The following ZNF536 variants were observed in gnomAD, a reference collection of about 807,000 sequenced individuals.
ZNF536 encodes the protein zinc finger protein 536.
ZNF536 carries 13 observed loss-of-function variants against 84.5 expected under a neutral mutation model. That is an observed-to-expected ratio of 0.15 (90% confidence interval 0.10 to 0.24). The LOEUF (loss-of-function observed/expected upper bound fraction) is 0.24. ZNF536 is among the 10% of genes least tolerant of loss of function. The probability of loss-of-function intolerance (pLI) is 1.00; values close to 1 mark genes in which losing one functional copy is unlikely to be tolerated. For synonymous variants in ZNF536, 811 were observed against 742.5 expected, an observed-to-expected ratio of 1.09 and a Z score of -1.50; for missense variants, 1,536 against 1,747.5, an observed-to-expected ratio of 0.88 and a Z score of 2.16.
chr19:30,306,833 T>C (rs2046355551), intron 2 of ZNF536, among the ~76,000 whole-genome samples: 1 of 152,188 alleles, frequency 6.6e-6, no homozygotes, highest in African/African-American at 2.4e-5. Context: ...ATTTAGTACT[T>C]TTAATAAAAG....
intron 2 of ZNF536, among the ~76,000 whole-genome samples, chr19:30,466,054 AT>A (rs1395378092): frequency 1.3e-5 from 2 of 151,968 alleles, no homozygotes; most frequent in African/African-American, 4.8e-5. Flanking sequence ...CTGGCAAAGA[AT>A]TTTTTAAAAA....
chr19:30,302,004 T>A (rs2046201375), intron 2 of ZNF536, among the ~76,000 whole-genome samples: 2 of 152,136 alleles, frequency 1.3e-5, no homozygotes, highest in Admixed American at 1.3e-4. Context: ...TTGAGATACT[T>A]TCATAGAGAT....
At chr19:30,617,256 T>C (rs1364976927) in intron 1 of ZNF536, among the ~76,000 whole-genome samples, 2 of 150,390 alleles carry the variant, frequency 1.3e-5, no homozygotes, top group Admixed American at 1.3e-4. Context: ...CTAAACCCAA[T>C]GTGTTGTCTT....
intron 2 of ZNF536, among the ~76,000 whole-genome samples, chr19:30,496,862 G>T (rs1166763392): frequency 6.6e-6 from 1 of 152,054 alleles, no homozygotes; most frequent in African/African-American, 2.4e-5. Flanking sequence ...AGGGGCGAGG[G>T]GCACTGTGCC....
At chr19:30,678,649 C>A (rs947002540) in intron 1 of ZNF536, among the ~76,000 whole-genome samples, 10 of 152,174 alleles carry the variant, frequency 6.6e-5, no homozygotes, top group Admixed American at 4.6e-4. Context: ...ACTCCTAGAG[C>A]CAAGCAGGGA....
intron 1 of ZNF536, among the ~76,000 whole-genome samples, chr19:30,704,347 A>G (rs752232141): frequency 6.6e-6 from 1 of 152,140 alleles, no homozygotes; most frequent in Non-Finnish European, 1.5e-5. Context: ...CTTTTGTTTC[A>G]TTAAAAAGAG....
intron 1 of ZNF536, among the ~76,000 whole-genome samples, chr19:30,707,169 A>T (rs553987153): frequency 2.1e-4 from 32 of 152,076 alleles, no homozygotes; most frequent in Non-Finnish European, 3.1e-4. Flanking sequence ...GGCCAGGACG[A>T]TCTACTTGGA....
chr19:30,644,347 C>T lies in ZNF536; in HGVS notation c.170-66410C>T, dbSNP rs189421455. Reference sequence around the variant, plus strand: ...CTCCAGAGTTAAAATGGAGAGAAAGCCTATAGTGGACATTTCTTTCTTTTT... The same window carrying T: ...CTCCAGAGTTAAAATGGAGAGAAAGTCTATAGTGGACATTTCTTTCTTTTT... On this transcript the variant is annotated intron_variant, in intron 1 of 1. Coordinates refer to the ZNF536 transcript ENST00000592773. 7.2e-5 allele frequency among the ~76,000 whole-genome samples: 11 copies of T among 152,044 alleles called. No homozygotes were observed. In the South Asian group the frequency reaches 1.7e-3, roughly 23 times the overall value.
intron 1 of ZNF536, among the ~76,000 whole-genome samples, chr19:30,425,199 T>C (rs867815339): frequency 6.6e-6 from 1 of 151,758 alleles, no homozygotes; most frequent in Non-Finnish European, 1.5e-5. Flanking sequence ...AAATAACTTA[T>C]TTATGTTACC....
Position 30,268,042 on chromosome 19 carries a change from C to CGCCTTCCTCCCTTTCTCTCCCCCT in ZNF536, c.-189-16026_-189-16025insTCCTCCCTTTCTCTCCCCCTGCCT, listed in dbSNP as rs2025610590. Among the ~76,000 whole-genome samples, 6 of 118,408 alleles carry CGCCTTCCTCCCTTTCTCTCCCCCT rather than the reference C, an allele frequency of 5.1e-5. No homozygotes were observed. In the South Asian group the frequency reaches 1.8e-3, roughly 35 times the overall value. 77.7% of individuals were successfully genotyped at this position (118,408 alleles called of 152,430 possible). ...TTCTTTTCTTCCATCTTCCTCCCCC[C>CGCCTTCCTCCCTTTCTCTCCCCCT]GCCTCCCTCCCTTTCTCTCCCCCTC... On this transcript the variant is annotated intron_variant, in intron 1 of 5. Coordinates refer to the ZNF536 transcript ENST00000585628.
At chr19:30,631,875 G>C (rs994439740) in intron 1 of ZNF536, among the ~76,000 whole-genome samples, 3 of 152,234 alleles carry the variant, frequency 2.0e-5, no homozygotes, top group African/African-American at 7.2e-5. Flanking sequence ...CATCACCAGA[G>C]AGTCCATTTC....
intron 1 of ZNF536, among the ~76,000 whole-genome samples, chr19:30,275,784 T>C (rs1185803484): frequency 1.3e-5 from 2 of 152,154 alleles, no homozygotes; most frequent in Non-Finnish European, 2.9e-5. Context: ...TTCATTCTTA[T>C]TGAATTCAAG....
intron 1 of ZNF536, among the ~76,000 whole-genome samples, chr19:30,232,561 G>A (rs370258794): frequency 5.3e-5 from 8 of 152,044 alleles, no homozygotes; most frequent in Admixed American, 1.3e-4. Context: ...GCGTTAATTC[G>A]CTTAGGATAA....
chr19:30,674,864 A>G (rs141698743), intron 1 of ZNF536, among the ~76,000 whole-genome samples: 1 of 152,290 alleles, frequency 6.6e-6, no homozygotes, highest in East Asian at 1.9e-4. Flanking sequence ...TGGTCCTTCC[A>G]GCCATCCCCC....
At chr19:30,280,799 A>G (rs2145626535) in intron 1 of ZNF536, among the ~76,000 whole-genome samples, 1 of 152,248 alleles carries the variant, frequency 6.6e-6, no homozygotes, top group African/African-American at 2.4e-5. Context: ...TGGCTCCTTC[A>G]GGGCTCCTGT....
In ZNF536 at chr19:30,417,338, T is replaced by A. The variant is rs527737929; in HGVS notation, c.-2-26223T>A. On this transcript the variant is annotated intron_variant, in intron 1 of 4. Transcript: ENST00000355537. The stretch of plus-strand genomic sequence containing the variant: ...TCCATCCTCAGGAATATCTCAACAT[T>A]CCTGGCATGCCGATGACCTGCTTCT... Among the ~76,000 whole-genome samples, 11 of 152,038 alleles carry A rather than the reference T, an allele frequency of 7.2e-5. No individual in the cohort carries two copies. In the South Asian group the frequency reaches 2.3e-3, roughly 32 times the overall value.
chr19:30,377,629 C>T (rs950224964), intron 1 of ZNF536, among the ~76,000 whole-genome samples: 9 of 152,126 alleles, frequency 5.9e-5, no homozygotes, highest in Admixed American at 5.2e-4. Flanking sequence ...ATGTGCTCTG[C>T]TACAAGGGTT....
intron 2 of ZNF536, among the ~76,000 whole-genome samples, chr19:30,341,125 T>A (rs2047552100): frequency 1.3e-5 from 2 of 152,252 alleles, no homozygotes; most frequent in Admixed American, 1.3e-4. Context: ...TTTGTTTAGT[T>A]TTTAAGAGCA....
intron 1 of ZNF536, among the ~76,000 whole-genome samples, chr19:30,709,653 G>A (rs941844700): frequency 6.6e-5 from 10 of 152,150 alleles, no homozygotes; most frequent in Non-Finnish European, 1.0e-4. Flanking sequence ...TTGTGAAAGG[G>A]TCTTGCTTGT....
Sources: gnomAD v4.1 joint callset for allele counts (sites outside exome capture counted in the v4.1 genomes callset) on GRCh38, gnomAD v4.1.1 for gene constraint, MANE v1.5 for transcripts, NCBI Gene and HGNC (gene_info 2026-07-23, HGNC 2026-07-21) for gene names.